The following KLKB1 variants were observed in gnomAD, a reference collection of about 807,000 sequenced individuals.
The protein encoded by KLKB1 is kallikrein B1, also known as plasma kallikrein.
KLKB1 carries 58 observed loss-of-function variants against 73.6 expected under a neutral mutation model. The observed-to-expected ratio is 0.79, with a 90% CI of 0.64 to 0.98. The LOEUF (loss-of-function observed/expected upper bound fraction) is 0.98, where lower values mean the gene tolerates loss of function less well. KLKB1 is among the 50% of genes least tolerant of loss of function. KLKB1 has a pLI of 0.00. For missense variants in KLKB1, 737 were observed against 763.8 expected, an observed-to-expected ratio of 0.96 and a Z score of 0.41; for synonymous variants, 280 against 258.1, an observed-to-expected ratio of 1.08 and a Z score of -0.81.
chr4:186,238,273 A>T lies in KLKB1; in HGVS notation c.506A>T (p.Lys169Met). Residue 169 changes from lysine (K) to methionine (M), a missense_variant, in exon 6 of 15, where the codon AAG becomes ATG. By Grantham distance (95) the Lys-to-Met change is moderately conservative (BLOSUM62 -1). Coordinates refer to ENST00000264690, the MANE Select transcript of KLKB1 (RefSeq NM_000892.5). ...CCATTCAGGAACAATTGCCTATTAAAGTACAGTCCCGGAGGAACACCTACC... is the reference window on the plus strand; with the variant it reads ...CCATTCAGGAACAATTGCCTATTAATGTACAGTCCCGGAGGAACACCTACC... ...KAEYRNNCLLKYSPGGTPTAI... is the reference protein window; with the variant it reads ...KAEYRNNCLLMYSPGGTPTAI... The T allele has an allele frequency of 6.2e-7, 1 of 1,612,908 alleles. No individual in the cohort carries two copies. The highest frequency in any genetic ancestry group is 8.5e-7 in the Non-Finnish European group (1 of 1,178,854).
At chr4:186,216,634 C>A (rs147772741) in intron 2 of KLKB1, among the ~76,000 whole-genome samples, 129 of 152,264 alleles carry the variant, frequency 8.5e-4, no homozygotes, top group African/African-American at 2.9e-3. Flanking sequence ...GAGAAAAATC[C>A]TCTTTCAAGC....
chr4:186,234,042 T>G lies in KLKB1; in HGVS notation c.312T>G (p.Cys104Trp). 1 of 1,612,932 alleles carries G rather than the reference T, an allele frequency of 6.2e-7. No homozygotes were observed. Among genetic ancestry groups the G allele is most frequent in the East Asian group, 2.2e-5 (1 of 44,848 alleles). ...TTTCTGGACATTCCTTGAAGCAATGTGGTCATCAAATAAGTGGTAAGTTGT... is the reference window on the plus strand; with the variant it reads ...TTTCTGGACATTCCTTGAAGCAATGGGGTCATCAAATAAGTGGTAAGTTGT... ...GAVSGHSLKQ[C>W]GHQISACHRD... Residue 104 changes from cysteine to tryptophan, a missense_variant, in exon 4 of 15, where the codon TGT becomes TGG. Physicochemically the swap from Cys to Trp is radical, Grantham distance 215. Transcript: ENST00000264690.
chr4:186,236,640 T>C, intron 4 of KLKB1, 141 bp from the exon 5 acceptor site: 4 of 707,820 alleles, frequency 5.7e-6, no homozygotes, highest in Non-Finnish European at 9.8e-6. Flanking sequence ...TAATAAAAAT[T>C]TTAAATCCCT....
intron 6 of KLKB1, among the ~76,000 whole-genome samples, chr4:186,243,004 G>A (rs963822679): frequency 7.3e-5 from 11 of 151,326 alleles, no homozygotes; most frequent in Admixed American, 4.6e-4. Flanking sequence ...GACCACGGTG[G>A]CCTTCTCAGA....
intron 6 of KLKB1, among the ~76,000 whole-genome samples, chr4:186,240,652 G>A (rs1281228769): frequency 6.6e-6 from 1 of 152,176 alleles, no homozygotes. Flanking sequence ...CCCTGTATTG[G>A]GTGCTGGGCT....
intron 3 of KLKB1, among the ~76,000 whole-genome samples, chr4:186,233,118 T>C (rs1431323704): frequency 6.6e-6 from 1 of 151,650 alleles, no homozygotes; most frequent in Admixed American, 6.6e-5. Flanking sequence ...TTTCACCACA[T>C]TGGCCAGGCT....
intron 12 of KLKB1, 67 bp downstream of exon 12, chr4:186,254,830 AC>A: frequency 7.3e-7 from 1 of 1,371,600 alleles, no homozygotes; most frequent in Non-Finnish European, 1.0e-6. Context: ...ATCAGTTTGA[AC>A]AAGAGGGCAG....
chr4:186,238,337 ACTGAAGCC>A lies in KLKB1; in HGVS notation c.574_581del (p.Lys192CysfsTer65), dbSNP rs768894143. 6.2e-7 allele frequency: 1 copy of A among 1,612,368 alleles called. No individual in the cohort carries two copies. Among genetic ancestry groups the A allele is most frequent in the South Asian group, 1.1e-5 (1 of 91,050 alleles). ...TGAGTAACGTGGAATCTGGATTCTC[ACTGAAGCC>A]CTGTGCCCTTTCAGAAATTGGTAAT... is the stretch of plus-strand genomic sequence containing the variant. On this transcript the variant is annotated frameshift_variant, in exon 6 of 15. Transcript: ENST00000264690. LOFTEE classifies it high-confidence loss of function.
upstream of KLKB1, among the ~76,000 whole-genome samples, chr4:186,222,650 T>C (rs1001498744): frequency 4.6e-5 from 7 of 152,210 alleles, no homozygotes; most frequent in East Asian, 1.9e-4. Context: ...AATACTTTTG[T>C]TTTTTAACTT....
In KLKB1 at chr4:186,254,611, G is replaced by C; in HGVS notation, c.1337G>C (p.Arg446Pro). 1 of 1,613,884 alleles carries C rather than the reference G, an allele frequency of 6.2e-7. No homozygotes were observed. Among genetic ancestry groups the C allele is most frequent in the Non-Finnish European group, 8.5e-7 (1 of 1,179,818 alleles). ...FDGLPLQDVWRIYSGILNLSD... is the reference protein window; with the variant it reads ...FDGLPLQDVWPIYSGILNLSD... Reference sequence around the variant, plus strand: ...AGGCTTCCCCTGCAGGATGTTTGGCGCATCTATAGTGGCATTTTAAATCTG... The same window carrying C: ...AGGCTTCCCCTGCAGGATGTTTGGCCCATCTATAGTGGCATTTTAAATCTG... The change falls in exon 12 of 15, where the codon CGC (arginine) becomes CCC (proline). Residue 446 changes from arginine to proline, a missense_variant. Arg to Pro is a moderately radical substitution (Grantham distance 103). Transcript: ENST00000264690.
At chr4:186,249,768 C>G (rs2126666493) in intron 6 of KLKB1, among the ~76,000 whole-genome samples, 1 of 152,174 alleles carries the variant, frequency 6.6e-6, no homozygotes, top group East Asian at 1.9e-4. Context: ...TAAAACAAAA[C>G]TAAGATATAA....
intron 6 of KLKB1, among the ~76,000 whole-genome samples, chr4:186,240,924 G>A (rs781379500): frequency 2.6e-5 from 4 of 152,192 alleles, no homozygotes; most frequent in South Asian, 2.1e-4. Flanking sequence ...AGGCAAGCTC[G>A]TGCTGTGGCT....
At chr4:186,253,314 A>G (rs4253382) in intron 11 of KLKB1, among the ~76,000 whole-genome samples, 2 of 152,208 alleles carry the variant, frequency 1.3e-5, no homozygotes, top group Non-Finnish European at 1.5e-5. Context: ...TCATGCTTAC[A>G]TGCTGTATAC....
At position 186,228,254 on chromosome 4, in the gene KLKB1, G is replaced by A. The variant is rs891896684; in HGVS notation, c.58+1G>A. 1.9e-6 allele frequency: 3 copies of A among 1,583,058 alleles called. No individual in the cohort carries two copies. The highest frequency in any genetic ancestry group is 2.6e-6 in the Non-Finnish European group (3 of 1,151,898). ...TCCTTGTTTGCTACAGTTTCCTGTG[G>A]TAAGTGAATTATCTATAAAACATGG... On this transcript the variant is annotated splice_donor_variant, in intron 2 of 14. Transcript: ENST00000264690. LOFTEE classifies it high-confidence loss of function.
chr4:186,252,069 G>T lies in KLKB1; in HGVS notation c.1197G>T (p.Trp399Cys). The change falls in exon 11 of 15, where the codon TGG becomes TGT. Residue 399 changes from tryptophan to cysteine, a missense_variant. Trp to Cys is a radical substitution (Grantham distance 215). Transcript: ENST00000264690. ...TRIVGGTNSS[W>C]GEWPWQVSLQ... is the part of the protein sequence containing the mutation. ...TTGTTGGAGGAACAAACTCTTCTTGGGGAGAGTGGCCCTGGCAGGTGAGCC... is the reference window on the plus strand; with the variant it reads ...TTGTTGGAGGAACAAACTCTTCTTGTGGAGAGTGGCCCTGGCAGGTGAGCC... 1 of 1,614,094 alleles carries T rather than the reference G, an allele frequency of 6.2e-7. No individual in the cohort carries two copies. The highest frequency in any genetic ancestry group is 8.5e-7 in the Non-Finnish European group (1 of 1,180,036).
chr4:186,245,810 T>TTTTTA lies in KLKB1; in HGVS notation c.599-4432_599-4431insTTTAT, dbSNP rs1738304208. Among the ~76,000 whole-genome samples, 2 of 88,814 alleles carry TTTTTA rather than the reference T, an allele frequency of 2.3e-5. 1 individual carries two copies. The highest frequency in any genetic ancestry group is 9.0e-5 in the African/African-American group (2 of 22,186). 58.3% of individuals were successfully genotyped at this position (88,814 alleles called of 152,430 possible). ...GGAATCTAATTTTTGGAGTTTTTTT[T>TTTTTA]TGTTTGTTTTTTGGTTTTTTTTTTT... is the stretch of plus-strand genomic sequence containing the variant. On this transcript the variant is annotated intron_variant, in intron 6 of 14. Transcript: ENST00000264690.
rs72647313 is a variant in KLKB1 at position 186,214,484 on chromosome 4, C to G, written c.201+5212C>G. 4.4e-3 allele frequency among the ~76,000 whole-genome samples: 663 copies of G among 152,300 alleles called. 4 individuals are homozygous for G. The highest frequency in any genetic ancestry group is 0.015 in the African/African-American group (639 of 41,562). On this transcript the variant is annotated intron_variant, in intron 2 of 14. Coordinates refer to the KLKB1 transcript ENST00000511608. ...TTTCTTTGTGCTGTTCAATAATTCT[C>G]TGTATTGGATCATCAGCATATATGC...
intron 11 of KLKB1, among the ~76,000 whole-genome samples, chr4:186,253,975 A>T (rs981994787): frequency 2.8e-4 from 43 of 152,084 alleles, no homozygotes; most frequent in Admixed American, 1.2e-3. Context: ...AGCTGGGATT[A>T]CAGGCGCGCG....
intron 2 of KLKB1, among the ~76,000 whole-genome samples, chr4:186,214,026 C>A (rs1736819537): frequency 6.6e-6 from 1 of 152,198 alleles, no homozygotes; most frequent in Non-Finnish European, 1.5e-5. Context: ...CCCACTTTCT[C>A]AACCTTTGTT....
Sources: gnomAD v4.1 joint callset for allele counts (sites outside exome capture counted in the v4.1 genomes callset) on GRCh38, gnomAD v4.1.1 for gene constraint, MANE v1.5 for transcripts, NCBI Gene and HGNC (gene_info 2026-07-23, HGNC 2026-07-21) for gene names.